HTR4: variants seen among roughly 807,000 people sequenced by gnomAD.
The protein encoded by HTR4 is 5-hydroxytryptamine (serotonin) receptor 4, G protein-coupled.
Under a neutral mutation model 36.8 loss-of-function variants are expected in HTR4, and 16 were observed. The observed-to-expected ratio is 0.43, with a 90% CI of 0.29 to 0.66. The LOEUF (loss-of-function observed/expected upper bound fraction) is 0.66. Among genes scored for constraint, HTR4 ranks in the 30% least tolerant of loss-of-function variants. The pLI is 0.13. For missense variants in HTR4, 438 were observed against 490.9 expected (o/e 0.89, Z 1.02); for synonymous variants, 189 against 185.1 (o/e 1.02, Z -0.17).
At chr5:148,549,320 C>A (rs188340458) in intron 3 of HTR4, among the ~76,000 whole-genome samples, 1 of 152,192 alleles carries the variant, frequency 6.6e-6, no homozygotes, top group Admixed American at 6.5e-5. Flanking sequence ...CACAGTCCAC[C>A]ATTTTACACT....
chr5:148,458,636 C>T (rs775170474), intron 5 of HTR4, among the ~76,000 whole-genome samples: 7 of 151,996 alleles, frequency 4.6e-5, no homozygotes, highest in Non-Finnish European at 8.8e-5. Flanking sequence ...GCTCACCAAG[C>T]CAGGGTGGGG....
intron 6 of HTR4, among the ~76,000 whole-genome samples, chr5:148,491,031 A>G (rs1038881925): frequency 2.0e-5 from 3 of 152,154 alleles, no homozygotes; most frequent in South Asian, 2.1e-4. Flanking sequence ...TATCATTTCC[A>G]TGGACCAGGT....
At chr5:148,478,090 GTTTC>G (rs1247884741), downstream of HTR4, among the ~76,000 whole-genome samples, 1 of 152,100 alleles carries the variant, frequency 6.6e-6, no homozygotes, top group African/African-American at 2.4e-5. Context: ...ACCTTGTCCG[GTTTC>G]TTTATTAGTA....
At chr5:148,606,976 C>A (rs1264741845) in intron 2 of HTR4, among the ~76,000 whole-genome samples, 2 of 152,128 alleles carry the variant, frequency 1.3e-5, no homozygotes, top group African/African-American at 4.8e-5. Flanking sequence ...CTAACTTAAG[C>A]AATATTACTG....
chr5:148,521,148 C>T (rs1757995382), intron 5 of HTR4, among the ~76,000 whole-genome samples: 1 of 152,212 alleles, frequency 6.6e-6, no homozygotes, highest in South Asian at 2.1e-4. Flanking sequence ...ATATATATCC[C>T]TGCTAAAGAA....
chr5:148,540,335 T>C (rs1759042917), intron 4 of HTR4, among the ~76,000 whole-genome samples: 1 of 146,832 alleles, frequency 6.8e-6, no homozygotes, highest in African/African-American at 2.5e-5. Flanking sequence ...AGTTCAACTA[T>C]ATAACAAATC....
intron 2 of HTR4, among the ~76,000 whole-genome samples, chr5:148,599,291 C>G (rs911286584): frequency 1.1e-4 from 17 of 151,990 alleles, no homozygotes; most frequent in African/African-American, 3.9e-4. Context: ...TGACCGCAAC[C>G]AAGATCAATA....
rs1314670272 is a variant in HTR4, at chr5:148,509,810, T to A, written c.722A>T (p.Gln241Leu). 1.2e-6 allele frequency: 2 copies of A among 1,613,998 alleles called. No homozygotes were observed. The highest frequency in any genetic ancestry group is 8.5e-7 in the Non-Finnish European group (1 of 1,179,992). Residue 241 changes from glutamine (Q) to leucine (L), a missense_variant, in exon 6 of 7, where the codon CAG becomes CTG. Gln to Leu is a moderately radical substitution (Grantham distance 113). Coordinates refer to ENST00000377888, the MANE Select transcript of HTR4 (RefSeq NM_000870.7). ...RAGASSESRP[Q>L]SADQHSTHRM... is the part of the protein sequence containing the mutation. ...ATGAGTGCTATGCTGGTCTGCCGAC[T>A]GAGGCCTGCTCTCGGAGGAGGCTCC...
At chr5:148,454,576 C>A (rs943335269) in intron 5 of HTR4, among the ~76,000 whole-genome samples, 1 of 152,124 alleles carries the variant, frequency 6.6e-6, no homozygotes, top group Non-Finnish European at 1.5e-5. Flanking sequence ...ACTTAACTGG[C>A]CTCAAGATAT....
chr5:148,625,593 GT>G (rs1428453611), intron 2 of HTR4, among the ~76,000 whole-genome samples: 2 of 151,928 alleles, frequency 1.3e-5, no homozygotes, highest in Admixed American at 6.6e-5. Flanking sequence ...TTTTTTGTTT[GT>G]TTTTTTAGAC....
chr5:148,568,371 G>T lies in HTR4; in HGVS notation c.27-18109C>A, dbSNP rs545311819. 4.1e-4 allele frequency among the ~76,000 whole-genome samples: 62 copies of T among 151,870 alleles called. 1 individual carries two copies. Among genetic ancestry groups the T allele is most frequent in the South Asian group, 1.5e-3 (7 of 4,788 alleles). On this transcript the variant is annotated intron_variant, in intron 2 of 6. Transcript: ENST00000377888. ...GAGAATTTTTTTAAAGTATACATAGGGTCTGATAATTAATTAACCTATAAA... is the reference window on the plus strand; with the variant it reads ...GAGAATTTTTTTAAAGTATACATAGTGTCTGATAATTAATTAACCTATAAA...
chr5:148,630,844 C>T (rs1753297552), intron 2 of HTR4, among the ~76,000 whole-genome samples: 2 of 152,062 alleles, frequency 1.3e-5, no homozygotes, highest in Non-Finnish European at 2.9e-5. Context: ...ACTGAAGGCT[C>T]AGAGAGATTA....
chr5:148,609,693 G>A (rs1388932486), intron 2 of HTR4, among the ~76,000 whole-genome samples: 2 of 151,664 alleles, frequency 1.3e-5, no homozygotes, highest in African/African-American at 4.8e-5. Flanking sequence ...AGCCTCCCGA[G>A]TAGCTGGGAC....
At chr5:148,561,798 C>A (rs1479586769) in intron 2 of HTR4, among the ~76,000 whole-genome samples, 3 of 152,080 alleles carry the variant, frequency 2.0e-5, no homozygotes, top group Non-Finnish European at 4.4e-5. Flanking sequence ...ACCACATATG[C>A]CCTCTCCACT....
downstream of HTR4, among the ~76,000 whole-genome samples, chr5:148,472,641 G>T (rs1755598358): frequency 6.6e-6 from 1 of 152,260 alleles, no homozygotes; most frequent in South Asian, 2.1e-4. Flanking sequence ...AACAGGTCAG[G>T]GTAGGCTCCA....
At chr5:148,624,531 C>T (rs1360954015) in intron 2 of HTR4, among the ~76,000 whole-genome samples, 7 of 152,074 alleles carry the variant, frequency 4.6e-5, no homozygotes, top group African/African-American at 1.7e-4. Context: ...GGAATAGATC[C>T]CACCTAAGGG....
chr5:148,464,771 C>A (rs1002321546), intron 5 of HTR4, among the ~76,000 whole-genome samples: 2 of 152,104 alleles, frequency 1.3e-5, no homozygotes, highest in Non-Finnish European at 2.9e-5. Context: ...GATGCAAAAA[C>A]CTGCACACAT....
intron 2 of HTR4, among the ~76,000 whole-genome samples, chr5:148,580,208 T>C (rs1761080825): frequency 6.6e-6 from 1 of 152,086 alleles, no homozygotes; most frequent in East Asian, 1.9e-4. Flanking sequence ...CTGATTATGC[T>C]CAGGATTAGG....
At chr5:148,458,089 ATT>A (rs1755162734) in intron 5 of HTR4, among the ~76,000 whole-genome samples, 2 of 50,258 alleles carry the variant, frequency 4.0e-5, no homozygotes, top group Admixed American at 1.7e-4. Flanking sequence ...CTTAAAATAT[ATT>A]ATATTTTAAT....
Sources: allele counts gnomAD v4.1 joint callset (sites outside exome capture counted in the v4.1 genomes callset), GRCh38; gene constraint gnomAD v4.1.1; transcripts MANE v1.5; gene names NCBI Gene and HGNC (gene_info 2026-07-23, HGNC 2026-07-21).